Variants in GHR observed in about 807,000 individuals in gnomAD.
GHR encodes GH receptor.
Under a neutral mutation model 67.1 loss-of-function variants are expected in GHR, and 35 were observed. That is an observed-to-expected ratio of 0.52 (90% CI 0.40 to 0.69). GHR has a LOEUF of 0.69. Ranked by LOEUF, GHR falls within the 30% of genes least tolerant of loss-of-function variation. GHR has a pLI of 0.00. For synonymous variants in GHR, 272 were observed against 269.1 expected (o/e 1.01, Z -0.10); for missense variants, 792 against 764.6 (o/e 1.04, Z -0.42).
At chr5:42,428,661 AG>A (rs1411808924) in intron 1 of GHR, among the ~76,000 whole-genome samples, 1 of 152,106 alleles carries the variant, frequency 6.6e-6, no homozygotes, top group African/African-American at 2.4e-5. Context: ...ATCTCTCTCA[AG>A]TTTAAAGTTC....
In GHR at chr5:42,468,170, G is replaced by A. The variant is rs1272958829; in HGVS notation, c.-12+44215G>A. The A allele has an allele frequency of 5.1e-6, 7 of 1,359,462 alleles. No homozygotes were observed. The East Asian group carries it at 1.1e-4, about 22-fold the overall frequency. The allele number at this position is 1,359,462 out of a possible 1,614,324, so 84.2% of individuals were successfully genotyped here. The stretch of plus-strand genomic sequence containing the variant: ...TCTGATCCATCAAGGCCTGTCTGAC[G>A]AAACTCCCCTGGGGCCCAGACTTTG... On this transcript the variant is annotated intron_variant, in intron 1 of 9. Coordinates refer to ENST00000230882, the MANE Select transcript of GHR (RefSeq NM_000163.5).
At chr5:42,545,813 G>A (rs918558982) in intron 1 of GHR, among the ~76,000 whole-genome samples, 19 of 152,006 alleles carry the variant, frequency 1.2e-4, no homozygotes, top group Non-Finnish European at 2.5e-4. Context: ...CCATTATTTT[G>A]TAAAATTTAA....
At chr5:42,644,654 A>T (rs1470953386) in intron 3 of GHR, among the ~76,000 whole-genome samples, 1 of 152,056 alleles carries the variant, frequency 6.6e-6, no homozygotes, top group Non-Finnish European at 1.5e-5. Context: ...ATGTTTTTTT[A>T]AATGAGAAAG....
chr5:42,467,195 C>T, intron 1 of GHR: 1 of 1,580,414 alleles, frequency 6.3e-7, no homozygotes, highest in South Asian at 1.1e-5. Context: ...TGACTGAAGG[C>T]TTGCCCACAT....
intron 1 of GHR, among the ~76,000 whole-genome samples, chr5:42,562,206 T>C (rs1749646655): frequency 6.6e-6 from 1 of 152,190 alleles, no homozygotes; most frequent in African/African-American, 2.4e-5. Context: ...GAAGATGATG[T>C]GGACAGTGTA....
At chr5:42,552,460 T>C (rs535755873) in intron 1 of GHR, among the ~76,000 whole-genome samples, 1 of 152,332 alleles carries the variant, frequency 6.6e-6, no homozygotes, top group East Asian at 1.9e-4. Flanking sequence ...AGCAAACTGA[T>C]GGAGATAGGG....
At chr5:42,690,733 G>T (rs1338882337) in intron 4 of GHR, among the ~76,000 whole-genome samples, 2 of 152,144 alleles carry the variant, frequency 1.3e-5, no homozygotes, top group African/African-American at 4.8e-5. Context: ...AAGTGAAGAT[G>T]AAATGTTTGG....
At chr5:42,465,564 C>T in intron 1 of GHR, 2 of 1,329,106 alleles carry the variant, frequency 1.5e-6, no homozygotes, top group Non-Finnish European at 2.2e-6. Flanking sequence ...TTTGATTGAT[C>T]CAAGTCACTG....
chr5:42,481,676 G>A (rs530609075), intron 1 of GHR, among the ~76,000 whole-genome samples: 7 of 151,794 alleles, frequency 4.6e-5, no homozygotes, highest in South Asian at 2.1e-4. Context: ...TGATCTCATC[G>A]GCTACTGAGG....
Position 42,544,273 on chromosome 5 carries a change from G to T in GHR, c.-11-21591G>T, listed in dbSNP as rs188073567. Among the ~76,000 whole-genome samples the T allele has an allele frequency of 4.6e-3, 705 of 152,274 alleles. 7 individuals are homozygous for T. Among genetic ancestry groups the T allele is most frequent in the Admixed American group, 7.9e-3 (121 of 15,294 alleles). On this transcript the variant is annotated intron_variant, in intron 1 of 9. Transcript: ENST00000230882. ...CATACTTAGATAATTCACAGTAAAT[G>T]TTCCAAATAATATTCAGCCTCACTA...
At chr5:42,701,377 T>G (rs1757919101) in intron 6 of GHR, among the ~76,000 whole-genome samples, 1 of 152,206 alleles carries the variant, frequency 6.6e-6, no homozygotes, top group African/African-American at 2.4e-5. Context: ...CATAGCTTAT[T>G]AATATTCTGT....
At chr5:42,431,968 C>T (rs972504370) in intron 1 of GHR, among the ~76,000 whole-genome samples, 3 of 152,104 alleles carry the variant, frequency 2.0e-5, no homozygotes, top group Non-Finnish European at 4.4e-5. Flanking sequence ...GTAGAGAATT[C>T]CCTGATAGGG....
chr5:42,588,912 C>T (rs1356090330), intron 2 of GHR, among the ~76,000 whole-genome samples: 1 of 152,160 alleles, frequency 6.6e-6, no homozygotes, highest in Non-Finnish European at 1.5e-5. Flanking sequence ...ACTCGGGCCA[C>T]AGTAATGTAT....
intron 1 of GHR, among the ~76,000 whole-genome samples, chr5:42,477,831 G>A (rs1180303621): frequency 1.3e-5 from 2 of 152,138 alleles, no homozygotes; most frequent in Middle Eastern, 3.2e-3. Context: ...CATTCTGTAG[G>A]TTGCCTGTTC....
chr5:42,497,036 C>T (rs1179493964), intron 1 of GHR, among the ~76,000 whole-genome samples: 3 of 152,090 alleles, frequency 2.0e-5, no homozygotes, highest in African/African-American at 7.2e-5. Context: ...CTGTTTGGGC[C>T]TTAAGTTCTG....
chr5:42,681,653 G>A (rs1342170476), intron 3 of GHR, among the ~76,000 whole-genome samples: 3 of 152,000 alleles, frequency 2.0e-5, no homozygotes, highest in Non-Finnish European at 4.4e-5. Flanking sequence ...AAATACACAT[G>A]CGGCCGGGCG....
intron 5 of GHR, among the ~76,000 whole-genome samples, chr5:42,698,722 G>A (rs567531043): frequency 1.1e-4 from 17 of 152,194 alleles, no homozygotes; most frequent in African/African-American, 1.4e-4. Flanking sequence ...TCCAGTCAAC[G>A]CTAGGGATGC....
At chr5:42,479,236 A>C (rs985689619) in intron 1 of GHR, among the ~76,000 whole-genome samples, 3 of 152,158 alleles carry the variant, frequency 2.0e-5, no homozygotes, top group South Asian at 4.1e-4. Context: ...GGATGAAGCC[A>C]GCTTGATCAT....
At chr5:42,711,435 C>A in intron 7 of GHR, 63 bp downstream of exon 7, 2 of 1,082,518 alleles carry the variant, frequency 1.8e-6, no homozygotes, top group Non-Finnish European at 1.4e-6. Flanking sequence ...ACAGTTGATT[C>A]ACCCCTGCAC....
Sources: gnomAD v4.1 joint callset for allele counts (sites outside exome capture counted in the v4.1 genomes callset) on GRCh38, gnomAD v4.1.1 for gene constraint, MANE v1.5 for transcripts, NCBI Gene and HGNC (gene_info 2026-07-23, HGNC 2026-07-21) for gene names.